The following STX8 variants were observed in gnomAD, a reference collection of about 807,000 sequenced individuals.
STX8 encodes the protein syntaxin-8.
A neutral mutation model predicts 37.5 loss-of-function variants in STX8; 23 were observed. The observed-to-expected ratio is 0.61, with a 90% confidence interval of 0.44 to 0.87. The LOEUF (loss-of-function observed/expected upper bound fraction) is 0.87. Ranked by LOEUF, STX8 falls within the 40% of genes least tolerant of loss-of-function variation. The pLI, the probability that STX8 is intolerant of heterozygous loss-of-function variation, is 0.00. For synonymous variants in STX8, 115 were observed against 99.1 expected, an observed-to-expected ratio of 1.16 and a Z score of -0.95; for missense variants, 313 against 284.7, an observed-to-expected ratio of 1.10 and a Z score of -0.71.
intron 7 of STX8, among the ~76,000 whole-genome samples, chr17:9,361,587 A>C (rs1911064871): frequency 6.6e-6 from 1 of 152,274 alleles, no homozygotes; most frequent in Admixed American, 6.5e-5. Flanking sequence ...CAGAATTACT[A>C]ATTAGTGCAG....
At chr17:9,385,962 C>T (rs540338587) in intron 6 of STX8, among the ~76,000 whole-genome samples, 28 of 152,248 alleles carry the variant, frequency 1.8e-4, no homozygotes, top group African/African-American at 6.3e-4. Context: ...TTAGTAGAGA[C>T]GGGGTTTCAC....
intron 4 of STX8, among the ~76,000 whole-genome samples, chr17:9,524,667 C>T (rs528615189): frequency 6.6e-6 from 1 of 152,306 alleles, no homozygotes; most frequent in South Asian, 2.1e-4. Flanking sequence ...ACATAGCCAT[C>T]ACTTCCACCT....
intron 6 of STX8, among the ~76,000 whole-genome samples, chr17:9,409,554 G>A (rs1433325395): frequency 6.6e-6 from 1 of 152,092 alleles, no homozygotes; most frequent in South Asian, 2.1e-4. Flanking sequence ...ATCGTTCAGG[G>A]AGAGTTTAAA....
chr17:9,441,131 G>A (rs1223995346), intron 6 of STX8, among the ~76,000 whole-genome samples: 41 of 152,122 alleles, frequency 2.7e-4, no homozygotes, highest in Non-Finnish European at 1.5e-5. Context: ...TGAGTATGAA[G>A]GGGCAAATGC....
At chr17:9,421,392 CA>C (rs1555525649) in intron 6 of STX8, among the ~76,000 whole-genome samples, 15,172 of 56,800 alleles carry the variant, frequency 0.27, 1,811 homozygotes, top group South Asian at 0.37. Flanking sequence ...AACTCCATCT[CA>C]AAAAAAAAAA....
chr17:9,548,642 AAAG>A lies in STX8; in HGVS notation c.213-3363_213-3361del, dbSNP rs147400756. 315 of 152,354 alleles carry A rather than the reference AAAG, an allele frequency of 2.1e-3. 1 individual carries two copies. The highest frequency in any genetic ancestry group is 7.2e-3 in the African/African-American group (300 of 41,598). The allele number at this position is 152,354 out of a possible 1,614,324, so 9.4% of individuals were successfully genotyped here. ...AATGGAATGTTTTGCAGCCTTAAAA[AAAG>A]AATAGGAAAGCTGTTTAGGGGGCTG... On this transcript the variant is annotated intron_variant, in intron 3 of 7. Transcript: ENST00000306357.
intron 4 of STX8, among the ~76,000 whole-genome samples, chr17:9,509,395 C>A (rs1487265134): frequency 2.0e-5 from 3 of 149,012 alleles, no homozygotes; most frequent in Non-Finnish European, 4.4e-5. Flanking sequence ...GTTCAAAGTA[C>A]TAAAAGAAAA....
At chr17:9,327,191 A>AAGGAAGAAGGAAGAAGGAGGAAGAAGG in intron 7 of STX8, among the ~76,000 whole-genome samples, 1 of 145,630 alleles carries the variant, frequency 6.9e-6, no homozygotes, top group South Asian at 2.1e-4. Context: ...AAGGAAGAAG[A>AAGGAAGAAGGAAGAAGGAGGAAGAAGG]AGGAAGAAGG....
At chr17:9,380,924 A>G (rs893383915) in intron 6 of STX8, among the ~76,000 whole-genome samples, 1 of 151,972 alleles carries the variant, frequency 6.6e-6, no homozygotes, top group Admixed American at 6.6e-5. Flanking sequence ...CATGTTGGCC[A>G]GGCTGGTCTC....
chr17:9,572,766 C>T (rs975910884), intron 1 of STX8, among the ~76,000 whole-genome samples: 1 of 152,064 alleles, frequency 6.6e-6, no homozygotes, highest in Non-Finnish European at 1.5e-5. Flanking sequence ...ATCAGCGACC[C>T]ATTTTGTGCT....
At position 9,522,498 on chromosome 17, in the gene STX8, C is replaced by T. The variant is rs1432996245; in HGVS notation, c.324-17336G>A. On this transcript the variant is annotated intron_variant, in intron 4 of 7. Coordinates refer to ENST00000306357, the MANE Select transcript of STX8 (RefSeq NM_004853.3). ...GGATCACGAGGTCAGGAGATAGAGA[C>T]CATCCAGGCTAACACGGTGAAACTC... is the stretch of plus-strand genomic sequence containing the variant. 2.8e-5 allele frequency among the ~76,000 whole-genome samples: 4 copies of T among 143,954 alleles called. No homozygotes were observed. The East Asian group carries it at 8.1e-4, about 29-fold the overall frequency. 94.4% of individuals were successfully genotyped at this position (143,954 alleles called of 152,430 possible).
intron 7 of STX8, among the ~76,000 whole-genome samples, chr17:9,374,283 T>C (rs1911512336): frequency 6.6e-6 from 1 of 152,148 alleles, no homozygotes; most frequent in Admixed American, 6.5e-5. Flanking sequence ...GGTTTCACCA[T>C]GTTGGCCAGG....
chr17:9,362,910 G>GA (rs564666725), intron 7 of STX8, among the ~76,000 whole-genome samples: 5 of 150,008 alleles, frequency 3.3e-5, no homozygotes, highest in Non-Finnish European at 5.9e-5. Flanking sequence ...ATATATGTTT[G>GA]AAAAAAAAAT....
chr17:9,279,109 G>C (rs1263133151), intron 7 of STX8, among the ~76,000 whole-genome samples: 1 of 151,332 alleles, frequency 6.6e-6, no homozygotes, highest in African/African-American at 2.4e-5. Flanking sequence ...TGTTGCCCAG[G>C]CTGGAGTTCA....
chr17:9,345,299 G>A (rs1235023683), intron 7 of STX8, among the ~76,000 whole-genome samples: 6 of 151,916 alleles, frequency 3.9e-5, no homozygotes, highest in South Asian at 2.1e-4. Flanking sequence ...ACAAGCATGC[G>A]CCACCACACC....
intron 6 of STX8, among the ~76,000 whole-genome samples, chr17:9,450,613 T>C (rs893309186): frequency 6.6e-6 from 1 of 151,624 alleles, no homozygotes; most frequent in African/African-American, 2.4e-5. Flanking sequence ...TTTACCGATG[T>C]TCATAGGCAC....
intron 4 of STX8, among the ~76,000 whole-genome samples, chr17:9,518,903 C>T (rs1460051333): frequency 6.6e-6 from 1 of 151,556 alleles, no homozygotes; most frequent in Non-Finnish European, 1.5e-5. Flanking sequence ...GCTAGCAATG[C>T]TTAAAGACAT....
At chr17:9,456,283 A>G (rs1230311712) in intron 6 of STX8, among the ~76,000 whole-genome samples, 1 of 152,200 alleles carries the variant, frequency 6.6e-6, no homozygotes, top group Non-Finnish European at 1.5e-5. Flanking sequence ...AGATGAAGCG[A>G]GTCTTGTGGG....
chr17:9,412,017 A>G (rs1249684077), intron 6 of STX8, among the ~76,000 whole-genome samples: 2 of 152,210 alleles, frequency 1.3e-5, no homozygotes, highest in Non-Finnish European at 2.9e-5. Flanking sequence ...CAAAAGTCTC[A>G]AAAGTTAAAT....
Sources: gnomAD v4.1 joint callset for allele counts (sites outside exome capture counted in the v4.1 genomes callset) on GRCh38, gnomAD v4.1.1 for gene constraint, MANE v1.5 for transcripts, NCBI Gene and HGNC (gene_info 2026-07-23, HGNC 2026-07-21) for gene names.